The following DRC11 variants were observed in gnomAD, a reference collection of about 807,000 sequenced individuals.
DRC11 encodes dynein regulatory complex subunit 11.
chr2:236,440,980 TAA>T, the DRC11 span: 1 of 1,045,342 alleles, frequency 9.6e-7, no homozygotes, highest in East Asian at 2.6e-5. Context: ...TCATTAATTT[TAA>T]AGTTTAAAGA....
At chr2:236,431,793 T>C in the DRC11 span, among the ~76,000 whole-genome samples, 2,880 of 152,324 alleles carry the variant, frequency 0.019, 85 homozygotes, top group African/African-American at 0.065. The surrounding 1 kb of genome is among the most constrained non-coding windows in gnomAD (Gnocchi z 4.2). Context: ...TAATATAAAG[T>C]TGCATGGATA....
the DRC11 span, among the ~76,000 whole-genome samples, chr2:236,485,461 A>T: frequency 1.3e-5 from 2 of 152,166 alleles, no homozygotes; most frequent in Non-Finnish European, 2.9e-5. Context: ...GTATCAAGCC[A>T]AGTAGCTCAC....
the DRC11 span, among the ~76,000 whole-genome samples, chr2:236,432,793 C>T: frequency 6.6e-6 from 1 of 151,516 alleles, no homozygotes; most frequent in Admixed American, 6.6e-5. Context: ...ATTTTTTTTT[C>T]TGCTATGATT....
At chr2:236,462,377 G>A in the DRC11 span, among the ~76,000 whole-genome samples, 5,073 of 152,228 alleles carry the variant, frequency 0.033, 110 homozygotes, top group South Asian at 0.07. This position sits in a 1 kb window ranked among gnomAD's most constrained non-coding sequence, Gnocchi z 6.4. Flanking sequence ...CATGGCTGTA[G>A]AAACCCACCA....
the DRC11 span, among the ~76,000 whole-genome samples, chr2:236,353,230 C>T: frequency 1.3e-5 from 2 of 152,156 alleles, no homozygotes; most frequent in African/African-American, 4.8e-5. This position sits in a 1 kb window ranked among gnomAD's most constrained non-coding sequence, Gnocchi z 5.0. Flanking sequence ...GTTCACGTCA[C>T]CTGCCAGTAG....
the DRC11 span, among the ~76,000 whole-genome samples, chr2:236,320,725 T>G: frequency 2.5e-3 from 383 of 152,270 alleles, 4 homozygotes; most frequent in African/African-American, 8.7e-3. Flanking sequence ...CCCCTCCACT[T>G]CAGAATGTGC....
the DRC11 span, among the ~76,000 whole-genome samples, chr2:236,410,618 A>G: frequency 1.3e-5 from 2 of 151,148 alleles, no homozygotes; most frequent in East Asian, 1.9e-4. Flanking sequence ...ACAAAGCTGG[A>G]GGCATCACAC....
chr2:236,482,123 C>A, the DRC11 span, among the ~76,000 whole-genome samples: 1 of 149,978 alleles, frequency 6.7e-6, no homozygotes, highest in Non-Finnish European at 1.5e-5. This position sits in a 1 kb window ranked among gnomAD's most constrained non-coding sequence, Gnocchi z 4.5. Flanking sequence ...ATGTATAATT[C>A]TATGTATAAT....
At chr2:236,433,319 G>A in the DRC11 span, among the ~76,000 whole-genome samples, 1 of 152,056 alleles carries the variant, frequency 6.6e-6, no homozygotes, top group African/African-American at 2.4e-5. Flanking sequence ...ATTTTCATTT[G>A]GATCATATTA....
the DRC11 span, among the ~76,000 whole-genome samples, chr2:236,317,436 T>C: frequency 6.6e-6 from 1 of 152,128 alleles, no homozygotes; most frequent in Non-Finnish European, 1.5e-5. This position sits in a 1 kb window ranked among gnomAD's most constrained non-coding sequence, Gnocchi z 5.4. Flanking sequence ...CACAAGCTAA[T>C]GTTGGCTAGA....
the DRC11 span, among the ~76,000 whole-genome samples, chr2:236,411,723 A>C: frequency 6.8e-6 from 1 of 147,812 alleles, no homozygotes; most frequent in African/African-American, 2.5e-5. Context: ...GCCATAAAAA[A>C]TGATGAGTTC....
At chr2:236,460,631 AAACAG>A in the DRC11 span, among the ~76,000 whole-genome samples, 1 of 152,260 alleles carries the variant, frequency 6.6e-6, no homozygotes, top group African/African-American at 2.4e-5. The surrounding 1 kb of genome is among the most constrained non-coding windows in gnomAD (Gnocchi z 4.0). Flanking sequence ...TTTCTACTTT[AAACAG>A]TACAGAAAAA....
the DRC11 span, among the ~76,000 whole-genome samples, chr2:236,436,237 C>A: frequency 6.6e-6 from 1 of 151,674 alleles, no homozygotes; most frequent in South Asian, 2.1e-4. Flanking sequence ...TATTATTTTC[C>A]GAGAAATATT....
the DRC11 span, chr2:236,368,812 T>C: frequency 6.5e-6 from 1 of 153,016 alleles, no homozygotes; most frequent in South Asian, 2.1e-4. Flanking sequence ...TTAGGATAAA[T>C]AGAAACATCT....
chr2:236,449,945 A>G, the DRC11 span, among the ~76,000 whole-genome samples: 3 of 152,154 alleles, frequency 2.0e-5, no homozygotes, highest in African/African-American at 7.2e-5. The surrounding 1 kb of genome is among the most constrained non-coding windows in gnomAD (Gnocchi z 5.1). Context: ...AGAAACCCCT[A>G]TGTGTGTATT....
the DRC11 span, chr2:236,331,905 A>AATCT: frequency 3.3e-6 from 1 of 305,534 alleles, no homozygotes; most frequent in Non-Finnish European, 6.2e-6. The surrounding 1 kb of genome is among the most constrained non-coding windows in gnomAD (Gnocchi z 4.8). Flanking sequence ...AGATGTTGAC[A>AATCT]ATCTGTCAAC....
the DRC11 span, among the ~76,000 whole-genome samples, chr2:236,345,379 A>G: frequency 6.6e-6 from 1 of 151,854 alleles, no homozygotes; most frequent in African/African-American, 2.4e-5. Context: ...GAGGACAAAC[A>G]TTCTGCTCTA....
the DRC11 span, among the ~76,000 whole-genome samples, chr2:236,449,026 A>C: frequency 6.6e-6 from 1 of 151,350 alleles, no homozygotes; most frequent in South Asian, 2.1e-4. The surrounding 1 kb of genome is among the most constrained non-coding windows in gnomAD (Gnocchi z 5.1). Flanking sequence ...CGCCTGGCAA[A>C]TTTTTGTGTT....
the DRC11 span, among the ~76,000 whole-genome samples, chr2:236,362,326 C>T: frequency 6.6e-6 from 1 of 152,190 alleles, no homozygotes; most frequent in Non-Finnish European, 1.5e-5. The surrounding 1 kb of genome is among the most constrained non-coding windows in gnomAD (Gnocchi z 5.7). Context: ...TTTCTTCCAT[C>T]TCTGCCACCC....
Sources: gnomAD v4.1 joint callset for allele counts (sites outside exome capture counted in the v4.1 genomes callset) on GRCh38, gnomAD v4.1.1 for gene constraint, Gnocchi (gnomAD v3.1) non-coding constraint, MANE v1.5 for transcripts, NCBI Gene and HGNC (gene_info 2026-07-23, HGNC 2026-07-21) for gene names.